Variants in INTS7 observed in about 807,000 individuals in gnomAD.
The protein encoded by INTS7 is integrator complex subunit 7.
A neutral mutation model predicts 109.2 loss-of-function variants in INTS7; 46 were observed. The ratio of observed to expected loss-of-function variants is 0.42; its 90% CI spans 0.33 to 0.54. The LOEUF is 0.54. Ranked by LOEUF, INTS7 falls within the 20% of genes least tolerant of loss-of-function variation. The pLI is 0.07. For missense variants in INTS7, 929 were observed against 1,132.4 expected, an observed-to-expected ratio of 0.82 and a Z score of 2.58; for synonymous variants, 412 against 402.9, an observed-to-expected ratio of 1.02 and a Z score of -0.27.
intron 17 of INTS7, among the ~76,000 whole-genome samples, chr1:211,948,162 AT>A (rs967709687): frequency 3.1e-4 from 46 of 148,070 alleles, no homozygotes; most frequent in South Asian, 4.3e-4. Context: ...TGCTGTAAAC[AT>A]TTTTTTTTTT....
chr1:211,975,108 G>T, intron 13 of INTS7, 58 bp downstream of exon 13: 1 of 1,201,796 alleles, frequency 8.3e-7, no homozygotes, highest in Non-Finnish European at 1.2e-6. Context: ...TCCAAAAAGA[G>T]AAGGGAGAGA....
intron 10 of INTS7, among the ~76,000 whole-genome samples, chr1:211,980,761 T>G (rs1243612667): frequency 1.3e-5 from 2 of 152,142 alleles, no homozygotes; most frequent in Non-Finnish European, 2.9e-5. Context: ...TTTAAAAATC[T>G]TGCATATCTC....
At chr1:211,953,507 G>A (rs939504000) in intron 16 of INTS7, among the ~76,000 whole-genome samples, 16 of 147,144 alleles carry the variant, frequency 1.1e-4, no homozygotes, top group Non-Finnish European at 1.6e-4. Context: ...CCATTAACTC[G>A]TCATTTAGCA....
chr1:212,000,783 CT>C, intron 7 of INTS7, among the ~76,000 whole-genome samples: 1 of 152,208 alleles, frequency 6.6e-6, no homozygotes, highest in South Asian at 2.1e-4. Flanking sequence ...TCACAAGAGA[CT>C]TTCTATAACT....
At chr1:212,006,215 A>C (rs1665903117) in intron 7 of INTS7, among the ~76,000 whole-genome samples, 1 of 152,186 alleles carries the variant, frequency 6.6e-6, no homozygotes, top group African/African-American at 2.4e-5. Context: ...AAGACTTAGG[A>C]ATGTCTTCAG....
In INTS7 at chr1:211,952,828, G is replaced by T. The variant is rs74137791; in HGVS notation, c.2184-127C>A. The T allele has an allele frequency of 1.2e-3, 1,110 of 941,132 alleles. 10 individuals are homozygous for T. In the African/African-American group the frequency reaches 0.017, roughly 15 times the overall value. The allele number at this position is 941,132 out of a possible 1,614,324, so 58.3% of individuals were successfully genotyped here. A position where few individuals can be genotyped will look rare whatever the true frequency, so the allele number is the denominator to read the frequency against. ...ATAATGAAGTTATTTCCATTTACAG[G>T]TGAGAAAATTGAGGCTAGGAGAGGG... On this transcript the variant is annotated intron_variant, in intron 16 of 19. Coordinates refer to ENST00000366994, the MANE Select transcript of INTS7 (RefSeq NM_015434.4).
At chr1:211,948,397 A>G (rs1189273629) in intron 17 of INTS7, among the ~76,000 whole-genome samples, 1 of 152,256 alleles carries the variant, frequency 6.6e-6, no homozygotes, top group African/African-American at 2.4e-5. Flanking sequence ...ATTTGCAGAG[A>G]CATCCACCTT....
At chr1:212,026,009 C>T (rs1666902604) in intron 1 of INTS7, among the ~76,000 whole-genome samples, 1 of 151,990 alleles carries the variant, frequency 6.6e-6, no homozygotes, top group Non-Finnish European at 1.5e-5. Flanking sequence ...ATTAGCCCAG[C>T]GTGATGGCAG....
At chr1:211,989,632 G>A (rs756666536) in intron 7 of INTS7, among the ~76,000 whole-genome samples, 1 of 151,866 alleles carries the variant, frequency 6.6e-6, no homozygotes, top group Non-Finnish European at 1.5e-5. Flanking sequence ...GACCAGCCTG[G>A]CCAGCATGGT....
chr1:211,980,110 G>C (rs1293205301), intron 10 of INTS7, among the ~76,000 whole-genome samples: 1 of 152,154 alleles, frequency 6.6e-6, no homozygotes, highest in Non-Finnish European at 1.5e-5. Flanking sequence ...AGTCTTAAAT[G>C]TACTGTGGTT....
intron 4 of INTS7, 80 bp from the exon 5 acceptor site, chr1:212,011,501 A>T (rs1349902623): frequency 1.1e-6 from 1 of 877,268 alleles, no homozygotes; most frequent in African/African-American, 1.7e-5. Context: ...ATAAAACACA[A>T]TTAGCGCAGA....
chr1:211,970,595 A>G (rs1664127302), intron 13 of INTS7, among the ~76,000 whole-genome samples: 1 of 152,248 alleles, frequency 6.6e-6, no homozygotes, highest in Non-Finnish European at 1.5e-5. Flanking sequence ...AAGTACTCTT[A>G]TAAACCAGTA....
At chr1:212,030,625 C>T (rs1667119425) in intron 1 of INTS7, 1 of 152,186 alleles carries the variant, frequency 6.6e-6, no homozygotes, top group African/African-American at 2.4e-5. Context: ...CTTCTCAACA[C>T]TCTCAGACTA....
intron 1 of INTS7, 104 bp from the exon 2 acceptor site, chr1:212,021,316 T>C (rs1558058175): frequency 1.0e-6 from 1 of 965,724 alleles, no homozygotes; most frequent in East Asian, 2.8e-5. Flanking sequence ...GAAATAATCA[T>C]TCTTAAGAAG....
At chr1:212,024,076 G>A (rs1467354843) in intron 1 of INTS7, among the ~76,000 whole-genome samples, 1 of 152,136 alleles carries the variant, frequency 6.6e-6, no homozygotes, top group Admixed American at 6.5e-5. Context: ...GTGACTGTGT[G>A]TGTACCAGTA....
Position 212,014,982 on chromosome 1 carries a change from T to C in INTS7, c.509+1904A>G, listed in dbSNP as rs1666345854. Among the ~76,000 whole-genome samples, 5 of 151,978 alleles carry C rather than the reference T, an allele frequency of 3.3e-5. No homozygotes were observed. The South Asian group carries it at 1.0e-3, about 31-fold the overall frequency. ...CCGTCTGGGAAGTGAGGAGCGTCTC[T>C]AACCGGCCACCCCATCTGAGAAGTG... On this transcript the variant is annotated intron_variant, in intron 4 of 19. Transcript: ENST00000366994.
Position 211,959,032 on chromosome 1 carries a change from C to CA in INTS7, c.2184-6332dup, listed in dbSNP as rs1339991854. Among the ~76,000 whole-genome samples, 1 of 151,992 alleles carries CA rather than the reference C, an allele frequency of 6.6e-6. No homozygotes were observed. The highest frequency in any genetic ancestry group is 1.9e-4 in the East Asian group (1 of 5,182). ...CCGGGGGAACAGTGACTTGAACTGGCAAAAAAACAACCAGCTACTGCCACG... is the reference window on the plus strand; with the variant it reads ...CCGGGGGAACAGTGACTTGAACTGGCAAAAAAAACAACCAGCTACTGCCACG... On this transcript the variant is annotated intron_variant, in intron 16 of 19. Transcript: ENST00000366994. The surrounding 1 kb of genome is among the most constrained non-coding windows in gnomAD (Gnocchi z 4.2).
intron 1 of INTS7, among the ~76,000 whole-genome samples, chr1:212,034,725 G>A (rs116418550): frequency 0.011 from 1,606 of 152,272 alleles, 23 homozygotes; most frequent in South Asian, 0.058. Context: ...GACAAGCCGA[G>A]GCTAGATGAA....
chr1:211,967,839 C>T (rs1237068731), intron 15 of INTS7, 39 bp downstream of exon 15: 1 of 1,111,804 alleles, frequency 9.0e-7, no homozygotes, highest in Admixed American at 1.9e-5. Flanking sequence ...AAGAATACTT[C>T]CAAAAAGAAC....
Sources: allele counts gnomAD v4.1 joint callset (sites outside exome capture counted in the v4.1 genomes callset), GRCh38; gene constraint gnomAD v4.1.1; non-coding constraint Gnocchi (gnomAD v3.1); transcripts MANE v1.5; gene names NCBI Gene and HGNC (gene_info 2026-07-23, HGNC 2026-07-21).